The following CEP112 variants were observed in gnomAD, a reference collection of about 807,000 sequenced individuals.
CEP112 encodes centrosomal protein of 112 kDa.
CEP112 carries 127 observed loss-of-function variants against 153.0 expected under a neutral mutation model. The observed-to-expected ratio is 0.83, with a 90% CI of 0.72 to 0.96. The LOEUF (loss-of-function observed/expected upper bound fraction) is 0.96, where lower values mean the gene tolerates loss of function less well. CEP112 is among the 40% of genes least tolerant of loss of function. CEP112 has a pLI of 0.00. For synonymous variants in CEP112, 358 were observed against 374.4 expected (o/e 0.96, Z 0.51); for missense variants, 1,089 against 1,101.2 (o/e 0.99, Z 0.16).
At chr17:66,173,528 T>C (rs2072334409) in intron 4 of CEP112, among the ~76,000 whole-genome samples, 1 of 152,210 alleles carries the variant, frequency 6.6e-6, no homozygotes, top group South Asian at 2.1e-4. Context: ...TTAGTTCACC[T>C]TTATACTGTA....
chr17:66,125,694 TA>T (rs2069812767), intron 6 of CEP112, among the ~76,000 whole-genome samples: 1 of 150,464 alleles, frequency 6.6e-6, no homozygotes, highest in Admixed American at 6.6e-5. Flanking sequence ...CCCTTCTCTG[TA>T]ACCTTAAGTA....
chr17:66,093,099 T>C (rs1391892240), intron 8 of CEP112, among the ~76,000 whole-genome samples: 1 of 152,118 alleles, frequency 6.6e-6, no homozygotes, highest in Non-Finnish European at 1.5e-5. Flanking sequence ...TTTGGGGCGC[T>C]GAGGCAGGCA....
intron 23 of CEP112, among the ~76,000 whole-genome samples, chr17:65,738,096 A>G (rs1446683072): frequency 6.6e-6 from 1 of 152,226 alleles, no homozygotes; most frequent in Non-Finnish European, 1.5e-5. Flanking sequence ...ACATTCTTAA[A>G]CATGAAAAAA....
At chr17:65,772,465 T>A (rs535880598) in intron 21 of CEP112, among the ~76,000 whole-genome samples, 1 of 152,080 alleles carries the variant, frequency 6.6e-6, no homozygotes, top group Non-Finnish European at 1.5e-5. Flanking sequence ...AATATGAACA[T>A]CATATTTACA....
intron 16 of CEP112, among the ~76,000 whole-genome samples, chr17:66,024,057 A>G (rs72838528): frequency 0.012 from 1,786 of 152,322 alleles, 15 homozygotes; most frequent in Non-Finnish European, 0.018. Context: ...AACTGAATTA[A>G]TGGCAAAAAC....
chr17:66,045,003 C>T (rs540138411), intron 12 of CEP112, among the ~76,000 whole-genome samples: 88 of 151,468 alleles, frequency 5.8e-4, no homozygotes, highest in African/African-American at 1.9e-3. Context: ...TTTTAAAAGG[C>T]CAAGAAATGT....
chr17:65,975,277 G>GGGTA (rs2062990381), intron 17 of CEP112, among the ~76,000 whole-genome samples: 1 of 152,112 alleles, frequency 6.6e-6, no homozygotes, highest in Admixed American at 6.6e-5. Context: ...CACAGTCAGA[G>GGGTA]GGTAATAAAA....
chr17:65,912,618 T>A (rs1261325669), intron 19 of CEP112, among the ~76,000 whole-genome samples: 1 of 152,190 alleles, frequency 6.6e-6, no homozygotes, highest in South Asian at 2.1e-4. Context: ...ATGGCTGAAG[T>A]AGCATGGAAG....
intron 20 of CEP112, among the ~76,000 whole-genome samples, 167 bp downstream of exon 20, chr17:65,901,985 G>GC (rs1652936700): frequency 2.6e-5 from 1 of 37,764 alleles, no homozygotes; most frequent in East Asian, 6.8e-4. Flanking sequence ...TCCCAAAACG[G>GC]GGGGGGGGGG....
intron 18 of CEP112, among the ~76,000 whole-genome samples, chr17:65,929,550 C>A (rs1174722519): frequency 2.6e-5 from 4 of 152,074 alleles, no homozygotes; most frequent in African/African-American, 9.7e-5. Context: ...TCCACCTAGT[C>A]CCCCTATCCC....
intron 21 of CEP112, among the ~76,000 whole-genome samples, chr17:65,794,358 C>T (rs1407475108): frequency 1.3e-5 from 2 of 152,186 alleles, no homozygotes; most frequent in Non-Finnish European, 2.9e-5. Context: ...GGCTCATTTC[C>T]TTTGCCAAAT....
intron 21 of CEP112, among the ~76,000 whole-genome samples, chr17:65,848,876 C>T (rs2057821208): frequency 6.6e-6 from 1 of 152,198 alleles, no homozygotes; most frequent in Non-Finnish European, 1.5e-5. Flanking sequence ...GACACTCTCA[C>T]TGCCTTCTCA....
intron 21 of CEP112, among the ~76,000 whole-genome samples, chr17:65,796,216 GT>G (rs2054901965): frequency 6.6e-6 from 1 of 152,108 alleles, no homozygotes; most frequent in Non-Finnish European, 1.5e-5. Context: ...TTCTGTAACA[GT>G]TTGTCTGTAG....
intron 6 of CEP112, among the ~76,000 whole-genome samples, chr17:66,120,206 T>C (rs2069508065): frequency 6.6e-6 from 1 of 151,968 alleles, no homozygotes; most frequent in South Asian, 2.1e-4. Flanking sequence ...GGGAGGTTTT[T>C]GTTTTTGTTT....
intron 23 of CEP112, among the ~76,000 whole-genome samples, chr17:65,712,962 CTG>C (rs1349346540): frequency 6.6e-6 from 1 of 152,122 alleles, no homozygotes; most frequent in African/African-American, 2.4e-5. Context: ...AAAGAGAAAA[CTG>C]GACATAAAAA....
chr17:65,750,859 T>C, intron 21 of CEP112, 135 bp from the exon 22 acceptor site: 1 of 693,542 alleles, frequency 1.4e-6, no homozygotes, highest in South Asian at 1.8e-5. Context: ...ACCACAGGGC[T>C]TGTCTTTGAT....
intron 17 of CEP112, among the ~76,000 whole-genome samples, chr17:66,004,881 T>C (rs554695251): frequency 6.6e-5 from 10 of 152,328 alleles, no homozygotes; most frequent in South Asian, 4.1e-4. Context: ...GCTAGGTATA[T>C]TGAGCTCAAG....
In CEP112 at chr17:66,027,539, T is replaced by C; in HGVS notation, c.1618A>G (p.Met540Val). 1.5e-6 allele frequency: 2 copies of C among 1,304,960 alleles called. No homozygotes were observed. The highest frequency in any genetic ancestry group is 1.4e-5 in the South Asian group (1 of 70,806). The allele number at this position is 1,304,960 out of a possible 1,614,324, so 80.8% of individuals were successfully genotyped here. A position where few individuals can be genotyped will look rare whatever the true frequency, so the allele number is the denominator to read the frequency against. The change falls in exon 16 of 27, where the codon ATG becomes GTG. Residue 540 changes from methionine to valine, a missense_variant. By Grantham distance (21) the Met-to-Val change is conservative. Transcript: ENST00000535342. ...QLRDQENKFQ[M>V]EKSHLKHIYE... is the part of the protein sequence containing the mutation. ...ATGTGTTTTAAATGACTTTTCTCCATCTGAAACTTATTTTCTTGATCCTGT... is the reference window on the plus strand; with the variant it reads ...ATGTGTTTTAAATGACTTTTCTCCACCTGAAACTTATTTTCTTGATCCTGT...
At chr17:65,877,120 T>C (rs961668164) in intron 20 of CEP112, among the ~76,000 whole-genome samples, 6 of 152,160 alleles carry the variant, frequency 3.9e-5, no homozygotes, top group Non-Finnish European at 8.8e-5. Context: ...TACTGCCTGA[T>C]TGCGGCCCAG....
Sources: gnomAD v4.1 joint callset for allele counts (sites outside exome capture counted in the v4.1 genomes callset) on GRCh38, gnomAD v4.1.1 for gene constraint, MANE v1.5 for transcripts, NCBI Gene and HGNC (gene_info 2026-07-23, HGNC 2026-07-21) for gene names.